The following KCNQ1 variants were observed in gnomAD, a reference collection of about 807,000 sequenced individuals.
KCNQ1 encodes potassium voltage-gated channel subfamily Q member 1.
KCNQ1 carries 49 observed loss-of-function variants against 72.4 expected under a neutral mutation model. The ratio of observed to expected loss-of-function variants is 0.68; its 90% CI spans 0.54 to 0.86. The LOEUF (loss-of-function observed/expected upper bound fraction) is 0.86, where lower values mean the gene tolerates loss of function less well. KCNQ1 is among the 40% of genes least tolerant of loss of function. The pLI is 0.00. For synonymous variants in KCNQ1, 450 were observed against 412.6 expected, an observed-to-expected ratio of 1.09 and a Z score of -1.10; for missense variants, 790 against 945.1, an observed-to-expected ratio of 0.84 and a Z score of 2.15.
chr11:2,699,355 C>T (rs1448651384), intron 11 of KCNQ1: 2 of 399,156 alleles, frequency 5.0e-6, no homozygotes, highest in South Asian at 1.3e-4. Flanking sequence ...TCACCCGTCC[C>T]GCGCCGTCCG....
intron 15 of KCNQ1, among the ~76,000 whole-genome samples, chr11:2,792,459 G>A (rs569456469): frequency 5.6e-4 from 86 of 152,254 alleles, no homozygotes; most frequent in African/African-American, 2.0e-3. Context: ...TGGATAGGAG[G>A]GACGGGGCCG....
chr11:2,484,357 G>T lies in KCNQ1; in HGVS notation c.386+38873G>T, dbSNP rs529899951. On this transcript the variant is annotated intron_variant, in intron 1 of 15. Transcript: ENST00000155840. The surrounding 1 kb of genome is among the most constrained non-coding windows in gnomAD (Gnocchi z 5.2). ...ATTTTGTATTTTTAGTGGAGACGGGGTTTCATCATGTTGGCCAGGCTGGTC... is the reference window on the plus strand; with the variant it reads ...ATTTTGTATTTTTAGTGGAGACGGGTTTTCATCATGTTGGCCAGGCTGGTC... Among the ~76,000 whole-genome samples the T allele has an allele frequency of 1.1e-4, 17 of 152,102 alleles. No homozygotes were observed. The highest frequency in any genetic ancestry group is 2.2e-4 in the Non-Finnish European group (15 of 68,032).
intron 15 of KCNQ1, among the ~76,000 whole-genome samples, chr11:2,845,522 G>A (rs1170570348): frequency 6.6e-6 from 1 of 152,202 alleles, no homozygotes; most frequent in African/African-American, 2.4e-5. Flanking sequence ...AACCACAGAA[G>A]TCCTGCACCC....
chr11:2,703,895 C>T lies in KCNQ1; in HGVS notation c.1514+41814C>T, dbSNP rs1477363609. Among the ~76,000 whole-genome samples, 1 of 152,204 alleles carries T rather than the reference C, an allele frequency of 6.6e-6. No homozygotes were observed. The highest frequency in any genetic ancestry group is 1.5e-5 in the Non-Finnish European group (1 of 68,032). ...TGCTTCCCTCGGAAGCTGAGAGGCCCAGGGCCACGTGGCAGCCTCCGCAGT... is the reference window on the plus strand; with the variant it reads ...TGCTTCCCTCGGAAGCTGAGAGGCCTAGGGCCACGTGGCAGCCTCCGCAGT... On this transcript the variant is annotated intron_variant, in intron 11 of 15. Coordinates refer to ENST00000155840, the MANE Select transcript of KCNQ1 (RefSeq NM_000218.3). The surrounding 1 kb of genome is among the most constrained non-coding windows in gnomAD (Gnocchi z 6.4).
In KCNQ1 at chr11:2,735,918, ACACAGT is replaced by A. The variant is rs550371637; in HGVS notation, c.1515-32917_1515-32912del. Among the ~76,000 whole-genome samples the A allele has an allele frequency of 1.3e-3, 200 of 152,242 alleles. 1 individual carries two copies. The highest frequency in any genetic ancestry group is 4.2e-3 in the African/African-American group (174 of 41,558). On this transcript the variant is annotated intron_variant, in intron 11 of 15. Coordinates refer to ENST00000155840, the MANE Select transcript of KCNQ1 (RefSeq NM_000218.3). The surrounding 1 kb of genome is among the most constrained non-coding windows in gnomAD (Gnocchi z 7.7). ...TTCTTATAAGACCCCATCTCCAGAC[ACACAGT>A]CACAGTCAGAGGCAGGAGGAGGTGG...
chr11:2,681,646 C>G (rs1850400242), intron 11 of KCNQ1: 1 of 396,572 alleles, frequency 2.5e-6, no homozygotes, highest in East Asian at 3.6e-5. Flanking sequence ...CTATCTCTCC[C>G]TCTCTCAGGA....
chr11:2,452,982 AAAGCGCCTGG>A (rs1846136614), intron 1 of KCNQ1, among the ~76,000 whole-genome samples: 1 of 152,174 alleles, frequency 6.6e-6, no homozygotes, highest in Non-Finnish European at 1.5e-5. Context: ...GTACCTAAAG[AAAGCGCCTGG>A]AATTCTTTAC....
intron 13 of KCNQ1, 22 bp from the exon 14 acceptor site, chr11:2,776,964 G>A (rs955877875): frequency 1.2e-6 from 2 of 1,613,496 alleles, no homozygotes; most frequent in South Asian, 1.1e-5. Flanking sequence ...GTGTGAACTG[G>A]TGTCTGTGTC....
chr11:2,800,520 G>T (rs1847241946), intron 15 of KCNQ1, among the ~76,000 whole-genome samples: 1 of 152,248 alleles, frequency 6.6e-6, no homozygotes, highest in Non-Finnish European at 1.5e-5. Flanking sequence ...CCTGCTCTGA[G>T]GCTGTGTAGG....
chr11:2,660,472 A>T, intron 10 of KCNQ1: 1 of 398,660 alleles, frequency 2.5e-6, no homozygotes. Flanking sequence ...GTGAAAAAAC[A>T]GACTGGGGAA....
intron 15 of KCNQ1, among the ~76,000 whole-genome samples, chr11:2,842,207 C>G (rs891063254): frequency 1.3e-5 from 2 of 152,056 alleles, no homozygotes; most frequent in Admixed American, 1.3e-4. Flanking sequence ...AGCCTGAGCA[C>G]AGGGGCTGCC....
chr11:2,726,331 G>C (rs889725603), intron 11 of KCNQ1, among the ~76,000 whole-genome samples: 30 of 152,252 alleles, frequency 2.0e-4, no homozygotes, highest in African/African-American at 7.2e-4. Flanking sequence ...CCCCTGGATG[G>C]GTTTGGGGGA....
intron 11 of KCNQ1, chr11:2,700,008 G>T (rs1000215946): frequency 7.5e-6 from 3 of 398,138 alleles, no homozygotes; most frequent in Non-Finnish European, 1.3e-5. Flanking sequence ...TGGAGACTGC[G>T]GCAGCGCTCC....
chr11:2,709,465 G>A (rs892718426), intron 11 of KCNQ1, among the ~76,000 whole-genome samples: 4 of 151,412 alleles, frequency 2.6e-5, no homozygotes, highest in Non-Finnish European at 4.4e-5. Flanking sequence ...TTTTGTTTTT[G>A]TAACAGCTTT....
chr11:2,839,588 AGGCGTGCGGGCC>A (rs1291764520), intron 15 of KCNQ1: 4 of 151,180 alleles, frequency 2.6e-5, no homozygotes, highest in African/African-American at 7.4e-5. Context: ...GAATCCAGGA[AGGCGTGCGGGCC>A]GAGAGGAAGA....
intron 15 of KCNQ1, among the ~76,000 whole-genome samples, chr11:2,798,132 CACTTGT>C (rs200813694): frequency 1.3e-5 from 2 of 151,930 alleles, no homozygotes; most frequent in Admixed American, 1.3e-4. Flanking sequence ...TCAGTGCCCC[CACTTGT>C]GGCCCAGGCC....
chr11:2,843,581 C>G (rs1422709298), intron 15 of KCNQ1, among the ~76,000 whole-genome samples: 2 of 152,284 alleles, frequency 1.3e-5, no homozygotes, highest in Non-Finnish European at 2.9e-5. Context: ...CGGCCTCTCC[C>G]GCCTGTCCCT....
rs1846105720 is a variant in KCNQ1 at position 2,450,471 on chromosome 11, G to T, written c.386+4987G>T. ...ACTTTGACCCAGACCCCAAGGATTT[G>T]GTTACAGAGGGGAGGGCGGCAGCGT... On this transcript the variant is annotated intron_variant, in intron 1 of 15. Transcript: ENST00000155840. This position sits in a 1 kb window ranked among gnomAD's most constrained non-coding sequence, Gnocchi z 7.9. 6.6e-6 allele frequency among the ~76,000 whole-genome samples: 1 copy of T among 152,134 alleles called. No homozygotes were observed. Among genetic ancestry groups the T allele is most frequent in the East Asian group, 1.9e-4 (1 of 5,188 alleles).
At chr11:2,490,999 C>T (rs1846828593) in intron 1 of KCNQ1, among the ~76,000 whole-genome samples, 3 of 152,176 alleles carry the variant, frequency 2.0e-5, no homozygotes, top group Admixed American at 2.0e-4. Flanking sequence ...AGCCACTGCG[C>T]CTGGCCCCAA....
Sources: gnomAD v4.1 joint callset for allele counts (sites outside exome capture counted in the v4.1 genomes callset) on GRCh38, gnomAD v4.1.1 for gene constraint, Gnocchi (gnomAD v3.1) non-coding constraint, MANE v1.5 for transcripts, NCBI Gene and HGNC (gene_info 2026-07-23, HGNC 2026-07-21) for gene names.